Variants in DCLK1 observed in about 807,000 individuals in gnomAD.
DCLK1 encodes the protein serine/threonine-protein kinase DCLK1.
DCLK1 carries 16 observed loss-of-function variants against 86.2 expected under a neutral mutation model. The ratio of observed to expected loss-of-function variants is 0.19; its 90% CI spans 0.13 to 0.28. The LOEUF (loss-of-function observed/expected upper bound fraction) is 0.28. Among genes scored for constraint, DCLK1 ranks in the 10% least tolerant of loss-of-function variants. DCLK1 has a pLI of 1.00. For missense variants in DCLK1, 590 were observed against 940.2 expected (o/e 0.63, Z 4.87); for synonymous variants, 369 against 370.5 (o/e 1.00, Z 0.05).
At chr13:35,877,258 TGGAA>T (rs1872641816) in intron 4 of DCLK1, among the ~76,000 whole-genome samples, 1 of 151,956 alleles carries the variant, frequency 6.6e-6, no homozygotes, top group Admixed American at 6.6e-5. Context: ...AAGGAGGAGG[TGGAA>T]CATATTCTTT....
chr13:35,935,891 T>C (rs961098762), intron 4 of DCLK1, among the ~76,000 whole-genome samples: 1 of 152,126 alleles, frequency 6.6e-6, no homozygotes, highest in Admixed American at 6.5e-5. Flanking sequence ...TCAAAGGCTT[T>C]GCTTATTGCA....
chr13:36,078,525 C>A (rs1293952038), intron 3 of DCLK1, among the ~76,000 whole-genome samples: 2 of 152,126 alleles, frequency 1.3e-5, no homozygotes, highest in Non-Finnish European at 1.5e-5. Context: ...TACCAGAAAG[C>A]CATAATATTG....
chr13:35,823,026 G>C lies in DCLK1; in HGVS notation c.1408-151C>G, dbSNP rs4941817. ...TTTTCCTGCTACTTTCCTTTCAAAG[G>C]CTCGAAGGCTGAATGGTGATTTCTC... is the stretch of plus-strand genomic sequence containing the variant. On this transcript the variant is annotated intron_variant, in intron 10 of 16. Coordinates refer to ENST00000360631, the MANE Select transcript of DCLK1 (RefSeq NM_001330071.2). The C allele has an allele frequency of 6.3e-3, 5,817 of 924,046 alleles. 27 individuals carry two copies. The highest frequency in any genetic ancestry group is 7.9e-3 in the Non-Finnish European group (4,963 of 626,148). The allele number at this position is 924,046 out of a possible 1,614,324, so 57.2% of individuals were successfully genotyped here.
intron 3 of DCLK1, among the ~76,000 whole-genome samples, chr13:35,982,017 A>AT (rs1049146763): frequency 1.1e-4 from 17 of 152,064 alleles, no homozygotes; most frequent in African/African-American, 4.1e-4. Flanking sequence ...TCATTCATGT[A>AT]TTTTTTTAAA....
At chr13:35,936,513 G>A (rs1455202409) in intron 4 of DCLK1, among the ~76,000 whole-genome samples, 1 of 152,236 alleles carries the variant, frequency 6.6e-6, no homozygotes, top group African/African-American at 2.4e-5. Flanking sequence ...CTTTAAGAGA[G>A]AGCCTTGCTG....
intron 3 of DCLK1, among the ~76,000 whole-genome samples, chr13:36,030,544 T>A (rs1401635276): frequency 6.7e-6 from 1 of 150,194 alleles, no homozygotes; most frequent in Admixed American, 6.7e-5. Context: ...TGACCTCAGG[T>A]GATCTACCCA....
At position 35,849,026 on chromosome 13, in the gene DCLK1, A is replaced by G. The variant is rs990891033; in HGVS notation, c.1035+5473T>C. On this transcript the variant is annotated intron_variant, in intron 6 of 16. Coordinates refer to ENST00000360631, the MANE Select transcript of DCLK1 (RefSeq NM_001330071.2). ...ATTATGAACTGTTCTTTCAAGATGG[A>G]ATGTTTCAGTTTGCAGCTCTTGAAT... 10 of 985,196 alleles carry G rather than the reference A, an allele frequency of 1.0e-5. No homozygotes were observed. The African/African-American group carries it at 1.7e-4, about 17-fold the overall frequency. 61.0% of individuals were successfully genotyped at this position (985,196 alleles called of 1,614,324 possible). A position where few individuals can be genotyped will look rare whatever the true frequency, so the allele number is the denominator to read the frequency against.
At chr13:35,895,139 T>G (rs1257076392) in intron 4 of DCLK1, among the ~76,000 whole-genome samples, 3 of 152,106 alleles carry the variant, frequency 2.0e-5, no homozygotes, top group Non-Finnish European at 4.4e-5. Context: ...GGTGGAATGT[T>G]GCCATGTTGT....
intron 3 of DCLK1, among the ~76,000 whole-genome samples, chr13:36,101,985 T>A (rs998264210): frequency 6.6e-6 from 1 of 152,080 alleles, no homozygotes; most frequent in Non-Finnish European, 1.5e-5. Flanking sequence ...TCAAGTGATC[T>A]GCCTGCCTCA....
intron 3 of DCLK1, among the ~76,000 whole-genome samples, chr13:36,063,538 G>T (rs1420266969): frequency 2.0e-5 from 3 of 152,156 alleles, no homozygotes; most frequent in Non-Finnish European, 4.4e-5. Flanking sequence ...TCTGGCATCA[G>T]TTACAGAAGA....
At chr13:35,944,025 A>G (rs934836363) in intron 4 of DCLK1, among the ~76,000 whole-genome samples, 2 of 152,134 alleles carry the variant, frequency 1.3e-5, no homozygotes, top group Non-Finnish European at 2.9e-5. Context: ...TACATTCTGA[A>G]CTAGAACAAG....
intron 11 of DCLK1, among the ~76,000 whole-genome samples, chr13:35,816,932 T>C (rs950024298): frequency 6.6e-6 from 1 of 152,198 alleles, no homozygotes; most frequent in African/African-American, 2.4e-5. Flanking sequence ...AAGGCACACA[T>C]GTTATTGAAG....
At chr13:35,976,525 G>GTTTCTTTTTTTT (rs1879342111) in intron 3 of DCLK1, among the ~76,000 whole-genome samples, 1 of 56,350 alleles carries the variant, frequency 1.8e-5, no homozygotes, top group Non-Finnish European at 3.3e-5. Context: ...CTTCTCCGAG[G>GTTTCTTTTTTTT]TTTTTTTTTT....
At chr13:35,871,396 A>G (rs1872267679) in intron 4 of DCLK1, 56 bp from the exon 5 acceptor site, 2 of 1,355,124 alleles carry the variant, frequency 1.5e-6, no homozygotes, top group Non-Finnish European at 2.1e-6. Context: ...ACACACACCA[A>G]CTCAAAATGC....
intron 3 of DCLK1, among the ~76,000 whole-genome samples, chr13:36,072,631 C>T (rs1399536947): frequency 2.6e-5 from 4 of 152,292 alleles, no homozygotes; most frequent in Non-Finnish European, 4.4e-5. Flanking sequence ...TCTTCTTCTA[C>T]CCCCAGCCTC....
At chr13:36,027,794 G>A (rs552074913) in intron 3 of DCLK1, among the ~76,000 whole-genome samples, 124 of 152,262 alleles carry the variant, frequency 8.1e-4, no homozygotes, top group African/African-American at 2.8e-3. Flanking sequence ...GTGTAGTGGC[G>A]TGAACTCAGC....
chr13:35,850,323 GA>G, intron 6 of DCLK1: 1 of 986,908 alleles, frequency 1.0e-6, no homozygotes, highest in Non-Finnish European at 1.2e-6. Flanking sequence ...AGAAAGTACA[GA>G]AAAATTATAT....
intron 3 of DCLK1, among the ~76,000 whole-genome samples, chr13:36,101,053 T>C (rs1275967519): frequency 1.3e-5 from 2 of 152,216 alleles, no homozygotes; most frequent in Admixed American, 1.3e-4. Context: ...CTGATAATAG[T>C]TGAAGATCTA....
intron 16 of DCLK1, among the ~76,000 whole-genome samples, chr13:35,781,681 T>G (rs536116779): frequency 1.3e-5 from 2 of 152,224 alleles, no homozygotes; most frequent in Non-Finnish European, 2.9e-5. Context: ...ATAGTCTTCA[T>G]TTCATTAATA....
Sources: gnomAD v4.1 joint callset for allele counts (sites outside exome capture counted in the v4.1 genomes callset) on GRCh38, gnomAD v4.1.1 for gene constraint, MANE v1.5 for transcripts, NCBI Gene and HGNC (gene_info 2026-07-23, HGNC 2026-07-21) for gene names.